Variants in STXBP5L observed in about 807,000 individuals in gnomAD.
STXBP5L encodes syntaxin-binding protein 5-like.
STXBP5L carries 65 observed loss-of-function variants against 144.5 expected under a neutral mutation model. The observed-to-expected ratio is 0.45, with a 90% confidence interval of 0.37 to 0.55. STXBP5L has a LOEUF of 0.55. STXBP5L is among the 20% of genes least tolerant of loss of function. STXBP5L has a pLI of 0.00. For missense variants in STXBP5L, 1,298 were observed against 1,405.5 expected, an observed-to-expected ratio of 0.92 and a Z score of 1.22; for synonymous variants, 505 against 469.6, an observed-to-expected ratio of 1.08 and a Z score of -0.97.
intron 2 of STXBP5L, among the ~76,000 whole-genome samples, chr3:120,916,994 G>T (rs1709133964): frequency 6.6e-6 from 1 of 152,134 alleles, no homozygotes; most frequent in Admixed American, 6.5e-5. Context: ...AATGCTTACA[G>T]TTGGTAAACA....
intron 3 of STXBP5L, among the ~76,000 whole-genome samples, chr3:120,972,924 T>G (rs1425718975): frequency 1.3e-5 from 2 of 152,168 alleles, no homozygotes; most frequent in African/African-American, 4.8e-5. Flanking sequence ...TAAAACTCAC[T>G]CTATTGTGGT....
intron 8 of STXBP5L, among the ~76,000 whole-genome samples, chr3:121,152,882 C>CT (rs976935237): frequency 4.0e-4 from 61 of 152,144 alleles, no homozygotes; most frequent in Non-Finnish European, 5.3e-4. Flanking sequence ...GTCTCAACTG[C>CT]TTTTCCTTTC....
At chr3:121,123,177 A>G (rs959488132) in intron 7 of STXBP5L, among the ~76,000 whole-genome samples, 1 of 151,600 alleles carries the variant, frequency 6.6e-6, no homozygotes, top group Non-Finnish European at 1.5e-5. Flanking sequence ...AATGTTAAAC[A>G]CTAAAAATAT....
At chr3:121,239,503 T>C (rs564622643) in intron 13 of STXBP5L, among the ~76,000 whole-genome samples, 10 of 151,302 alleles carry the variant, frequency 6.6e-5, no homozygotes, top group Non-Finnish European at 1.5e-4. Context: ...ATGTGGCACA[T>C]ATACACCATG....
At chr3:121,382,895 CTTT>C (rs568380624) in intron 22 of STXBP5L, among the ~76,000 whole-genome samples, 246 of 152,178 alleles carry the variant, frequency 1.6e-3, no homozygotes, top group Non-Finnish European at 2.8e-3. Context: ...AAAACTTTTT[CTTT>C]ATCTATTTAA....
chr3:121,141,157 C>A (rs1342579633), intron 7 of STXBP5L, among the ~76,000 whole-genome samples: 2 of 152,160 alleles, frequency 1.3e-5, no homozygotes, highest in African/African-American at 4.8e-5. Flanking sequence ...GTAATCCCAG[C>A]ACTTGTGAGG....
At chr3:121,341,900 GAA>G (rs1197562462) in intron 20 of STXBP5L, among the ~76,000 whole-genome samples, 1 of 151,854 alleles carries the variant, frequency 6.6e-6, no homozygotes, top group African/African-American at 2.4e-5. Flanking sequence ...ATAAAAAATA[GAA>G]AAAATGAATA....
chr3:121,159,870 G>A (rs2046256731), intron 9 of STXBP5L, among the ~76,000 whole-genome samples: 1 of 151,792 alleles, frequency 6.6e-6, no homozygotes, highest in South Asian at 2.1e-4. Context: ...CTGACCTCGT[G>A]ATCCGCCCGC....
intron 20 of STXBP5L, among the ~76,000 whole-genome samples, chr3:121,343,124 T>C (rs1407860699): frequency 6.6e-6 from 1 of 152,208 alleles, no homozygotes; most frequent in Admixed American, 6.6e-5. Flanking sequence ...TTCCTGTGTT[T>C]TTTGGCTGCA....
chr3:121,227,120 T>G (rs2049145974), intron 11 of STXBP5L, among the ~76,000 whole-genome samples: 2 of 152,148 alleles, frequency 1.3e-5, no homozygotes, highest in South Asian at 2.1e-4. Flanking sequence ...AGGAATCAAG[T>G]AGGGAGAAAA....
At chr3:120,991,340 G>C (rs35046871) in intron 3 of STXBP5L, among the ~76,000 whole-genome samples, 1 of 150,764 alleles carries the variant, frequency 6.6e-6, no homozygotes, top group African/African-American at 2.4e-5. Flanking sequence ...AACAGGTGCT[G>C]GAGAGGATGT....
intron 9 of STXBP5L, among the ~76,000 whole-genome samples, chr3:121,172,133 A>G (rs752887083): frequency 2.0e-5 from 3 of 152,222 alleles, no homozygotes; most frequent in African/African-American, 4.8e-5. Flanking sequence ...GGCTAGCCAT[A>G]TCCAGCTAAC....
At chr3:121,258,417 T>C (rs1444228754) in intron 17 of STXBP5L, among the ~76,000 whole-genome samples, 5 of 152,222 alleles carry the variant, frequency 3.3e-5, no homozygotes, top group Non-Finnish European at 7.4e-5. Flanking sequence ...GCTATACTTT[T>C]GTAATCATTG....
At chr3:121,136,601 A>C (rs1445649020) in intron 7 of STXBP5L, among the ~76,000 whole-genome samples, 1 of 152,240 alleles carries the variant, frequency 6.6e-6, no homozygotes, top group East Asian at 1.9e-4. Flanking sequence ...GGTTGGAGAG[A>C]ATAGGTAACA....
intron 9 of STXBP5L, among the ~76,000 whole-genome samples, chr3:121,174,029 A>T (rs963203722): frequency 6.6e-5 from 10 of 152,280 alleles, no homozygotes; most frequent in Admixed American, 2.6e-4. Flanking sequence ...GCTCATACTG[A>T]GATGACTAGG....
chr3:121,007,547 A>G (rs1330496102), intron 3 of STXBP5L, among the ~76,000 whole-genome samples: 1 of 152,066 alleles, frequency 6.6e-6, no homozygotes, highest in Non-Finnish European at 1.5e-5. Context: ...ACTAGAAATT[A>G]AAATTCTTTA....
chr3:121,242,924 C>T (rs973287093), intron 14 of STXBP5L, among the ~76,000 whole-genome samples: 3 of 152,044 alleles, frequency 2.0e-5, no homozygotes, highest in Non-Finnish European at 2.9e-5. Flanking sequence ...CTTCAGAAAC[C>T]GTTTAGGAAG....
intron 3 of STXBP5L, among the ~76,000 whole-genome samples, chr3:120,975,733 A>G (rs1160068594): frequency 6.6e-6 from 1 of 152,138 alleles, no homozygotes; most frequent in Non-Finnish European, 1.5e-5. Context: ...TACCTAATTT[A>G]TTGAGAGTTT....
chr3:120,985,349 G>A (rs1447523449), intron 3 of STXBP5L, among the ~76,000 whole-genome samples: 5 of 151,954 alleles, frequency 3.3e-5, no homozygotes, highest in East Asian at 1.9e-4. Flanking sequence ...ATATTTTGAT[G>A]TATGTATACA....
Sources: allele counts gnomAD v4.1 joint callset (sites outside exome capture counted in the v4.1 genomes callset), GRCh38; gene constraint gnomAD v4.1.1; transcripts MANE v1.5; gene names NCBI Gene and HGNC (gene_info 2026-07-23, HGNC 2026-07-21).